AK8: variants seen among roughly 807,000 people sequenced by gnomAD.
AK8 encodes the protein adenylate kinase 8.
Under a neutral mutation model 54.6 loss-of-function variants are expected in AK8, and 44 were observed. The observed-to-expected ratio is 0.81, with a 90% CI of 0.63 to 1.04. AK8 has a LOEUF of 1.04. Among genes scored for constraint, AK8 ranks in the 50% least tolerant of loss-of-function variants. The pLI is 0.00. For missense variants in AK8, 555 were observed against 613.6 expected, an observed-to-expected ratio of 0.90 and a Z score of 1.01; for synonymous variants, 239 against 245.6, an observed-to-expected ratio of 0.97 and a Z score of 0.25.
intron 10 of AK8, among the ~76,000 whole-genome samples, chr9:132,806,298 C>A (rs1840723303): frequency 6.6e-6 from 1 of 152,240 alleles, no homozygotes; most frequent in Non-Finnish European, 1.5e-5. Context: ...ACGCCCAGCA[C>A]CCTAGAAAGT....
intron 12 of AK8, among the ~76,000 whole-genome samples, chr9:132,726,894 C>A: frequency 8.3e-6 from 1 of 119,924 alleles, no homozygotes; most frequent in East Asian, 3.0e-4. Flanking sequence ...CCACCCCACT[C>A]CTGCGTCCCT....
intron 11 of AK8, among the ~76,000 whole-genome samples, chr9:132,746,326 T>C (rs1159393644): frequency 1.3e-5 from 2 of 152,162 alleles, no homozygotes; most frequent in Non-Finnish European, 2.9e-5. Context: ...ACTCCCACTT[T>C]TGCGAGTAGG....
chr9:132,792,144 AATAT>A (rs758994023), intron 11 of AK8, among the ~76,000 whole-genome samples: 1 of 152,164 alleles, frequency 6.6e-6, no homozygotes, highest in Non-Finnish European at 1.5e-5. Context: ...TGCTCTCCAC[AATAT>A]ATACAATTGT....
chr9:132,876,521 C>T (rs1246130080), intron 1 of AK8, among the ~76,000 whole-genome samples: 1 of 152,094 alleles, frequency 6.6e-6, no homozygotes, highest in African/African-American at 2.4e-5. Flanking sequence ...ACTGTATGCA[C>T]AACAAAAACA....
At chr9:132,730,554 G>C (rs974910174) in intron 11 of AK8, among the ~76,000 whole-genome samples, 4 of 151,384 alleles carry the variant, frequency 2.6e-5, no homozygotes, top group Admixed American at 2.6e-4. Context: ...GGGGCCAGTT[G>C]CATCAGAATC....
chr9:132,856,621 G>C (rs573394257), intron 4 of AK8, among the ~76,000 whole-genome samples: 14 of 152,298 alleles, frequency 9.2e-5, no homozygotes, highest in Non-Finnish European at 1.8e-4. Flanking sequence ...CACTGTGATT[G>C]ATTCAGAGGC....
At chr9:132,827,234 T>C (rs2131304083) in intron 7 of AK8, 180 bp from the exon 8 acceptor site, 1 of 642,574 alleles carries the variant, frequency 1.6e-6, no homozygotes, top group Non-Finnish European at 2.7e-6. Context: ...GAGCCTGCTC[T>C]TAACTATTAT....
At chr9:132,868,218 G>A (rs776318537) in intron 2 of AK8, among the ~76,000 whole-genome samples, 2 of 152,218 alleles carry the variant, frequency 1.3e-5, no homozygotes, top group African/African-American at 2.4e-5. Context: ...CTTCTAGTTT[G>A]GAGGCAGACA....
At chr9:132,831,894 C>G (rs951027779) in intron 5 of AK8, among the ~76,000 whole-genome samples, 2 of 151,456 alleles carry the variant, frequency 1.3e-5, no homozygotes, top group Admixed American at 1.3e-4. Flanking sequence ...CCCACTCTAC[C>G]GAAAAAGATT....
chr9:132,745,052 G>A (rs1274752189), intron 11 of AK8, among the ~76,000 whole-genome samples: 2 of 152,076 alleles, frequency 1.3e-5, no homozygotes, highest in Non-Finnish European at 2.9e-5. Context: ...AAACCTAAAC[G>A]GCCCCCACCT....
intron 6 of AK8, among the ~76,000 whole-genome samples, chr9:132,828,385 A>T (rs1206766842): frequency 6.6e-6 from 1 of 152,262 alleles, no homozygotes; most frequent in Non-Finnish European, 1.5e-5. Context: ...CTTGCACAGC[A>T]TTCTATGCTA....
intron 11 of AK8, among the ~76,000 whole-genome samples, chr9:132,754,620 C>T (rs962240974): frequency 1.3e-5 from 2 of 152,174 alleles, no homozygotes; most frequent in Admixed American, 1.3e-4. Flanking sequence ...CTGGTGCTTC[C>T]TCCTGCTGCT....
intron 11 of AK8, among the ~76,000 whole-genome samples, chr9:132,753,703 G>A (rs1232679634): frequency 6.6e-6 from 1 of 152,200 alleles, no homozygotes; most frequent in Non-Finnish European, 1.5e-5. Flanking sequence ...GGGGATCCCC[G>A]CTGTGGAGAG....
intron 5 of AK8, among the ~76,000 whole-genome samples, chr9:132,832,375 A>C (rs376428082): frequency 6.6e-6 from 1 of 152,184 alleles, no homozygotes; most frequent in Non-Finnish European, 1.5e-5. Context: ...TCTTAGAAAG[A>C]GCAAACATCT....
chr9:132,726,177 T>C (rs932779713), intron 12 of AK8, among the ~76,000 whole-genome samples: 1 of 152,004 alleles, frequency 6.6e-6, no homozygotes, highest in Non-Finnish European at 1.5e-5. Flanking sequence ...AATACAATCA[T>C]ATATGGGCAA....
intron 5 of AK8, among the ~76,000 whole-genome samples, chr9:132,848,517 C>T (rs535290655): frequency 6.6e-5 from 10 of 152,194 alleles, no homozygotes; most frequent in Non-Finnish European, 1.3e-4. Context: ...GGCTGCCATT[C>T]CCTCCAGCCT....
intron 11 of AK8, among the ~76,000 whole-genome samples, chr9:132,729,882 C>A (rs1035452798): frequency 1.3e-5 from 2 of 152,240 alleles, no homozygotes; most frequent in East Asian, 1.9e-4. Context: ...CCTCTACGTG[C>A]GGAGAAAACA....
rs1840360044 is a variant in AK8 at position 132,799,862 on chromosome 9, T to C, written c.980-7087A>G. On this transcript the variant is annotated intron_variant, in intron 10 of 12. Transcript: ENST00000298545. The surrounding 1 kb of genome is among the most constrained non-coding windows in gnomAD (Gnocchi z 5.0). ...ATGTCAAGATGAGCATCAGTGTTCA[T>C]GGGGGAGGCTGGCATTTGCTTCTCT... Among the ~76,000 whole-genome samples the C allele has an allele frequency of 6.6e-6, 1 of 152,136 alleles. No individual in the cohort carries two copies. Among genetic ancestry groups the C allele is most frequent in the Non-Finnish European group, 1.5e-5 (1 of 68,020 alleles).
Position 132,770,499 on chromosome 9 carries a change from G to A in AK8, c.1121+22135C>T, listed in dbSNP as rs1838917914. On this transcript the variant is annotated intron_variant, in intron 11 of 12. Transcript: ENST00000298545. The surrounding 1 kb of genome is among the most constrained non-coding windows in gnomAD (Gnocchi z 4.3). ...GGACACCCTGTGGAGGAGCGGGCTG[G>A]GAGCGCGGGGGATGCCCCTCGCCCT... Among the ~76,000 whole-genome samples, 1 of 152,242 alleles carries A rather than the reference G, an allele frequency of 6.6e-6. No homozygotes were observed.
Sources: allele counts gnomAD v4.1 joint callset (sites outside exome capture counted in the v4.1 genomes callset), GRCh38; gene constraint gnomAD v4.1.1; non-coding constraint Gnocchi (gnomAD v3.1); transcripts MANE v1.5; gene names NCBI Gene and HGNC (gene_info 2026-07-23, HGNC 2026-07-21).